Variants in PCDHA10 observed in about 807,000 individuals in gnomAD.
PCDHA10 encodes the protein protocadherin alpha-10.
PCDHA10 carries 45 observed loss-of-function variants against 61.2 expected under a neutral mutation model. The observed-to-expected ratio is 0.74, with a 90% CI of 0.58 to 0.94. The LOEUF is 0.94. PCDHA10 is among the 40% of genes least tolerant of loss of function. The pLI, the probability that PCDHA10 is intolerant of heterozygous loss-of-function variation, is 0.00. For missense variants in PCDHA10, 1,278 were observed against 1,236.2 expected, an observed-to-expected ratio of 1.03 and a Z score of -0.51; for synonymous variants, 602 against 548.8, an observed-to-expected ratio of 1.10 and a Z score of -1.35.
At chr5:140,928,337 AT>A (rs549164954) in intron 1 of PCDHA10, 7 of 1,613,944 alleles carry the variant, frequency 4.3e-6, no homozygotes, top group Non-Finnish European at 5.9e-6. Flanking sequence ...CTTGTCTCTT[AT>A]GAGCTGTTGG....
intron 1 of PCDHA10, chr5:140,863,441 C>T (rs1430733740): frequency 1.0e-5 from 6 of 601,724 alleles, no homozygotes; most frequent in Non-Finnish European, 1.9e-5. Context: ...TCTGGTCTTA[C>T]TCGCAGCAAA....
At chr5:140,927,540 C>T (rs1376391756) in intron 1 of PCDHA10, 6 of 1,614,136 alleles carry the variant, frequency 3.7e-6, no homozygotes, top group African/African-American at 2.7e-5. Flanking sequence ...GCTCAGGAGA[C>T]GCACAAGTCA....
intron 1 of PCDHA10, chr5:140,877,773 G>A (rs1554170103): frequency 2.5e-6 from 4 of 1,614,166 alleles, no homozygotes; most frequent in South Asian, 2.2e-5. Flanking sequence ...CGCCCAAGAC[G>A]GACCTCATGG....
At chr5:140,884,541 T>C (rs782267123) in intron 1 of PCDHA10, 17 of 1,613,862 alleles carry the variant, frequency 1.1e-5, no homozygotes, top group Non-Finnish European at 1.4e-5. Flanking sequence ...CGGCCGAGGG[T>C]GTGCTCTGGG....
chr5:140,875,810 C>T, intron 1 of PCDHA10: 1 of 1,614,106 alleles, frequency 6.2e-7, no homozygotes, highest in Non-Finnish European at 8.5e-7. Context: ...GTGGACAGGC[C>T]GCTGCAGGTT....
chr5:140,950,749 C>G (rs1202993675), intron 1 of PCDHA10, among the ~76,000 whole-genome samples: 5 of 152,002 alleles, frequency 3.3e-5, no homozygotes, highest in African/African-American at 4.8e-5. Flanking sequence ...TTCTCTCTAT[C>G]CTTTCTGGAC....
At chr5:140,969,161 G>A (rs782498682) in intron 1 of PCDHA10, 1 of 1,614,156 alleles carries the variant, frequency 6.2e-7, no homozygotes, top group South Asian at 1.1e-5. Context: ...CTGTCTGACA[G>A]CAGGCTCAGG....
chr5:140,857,653 C>A lies in PCDHA10; in HGVS notation c.1605C>A (p.Ser535Arg), dbSNP rs1466552947. 3.8e-6 allele frequency: 6 copies of A among 1,596,508 alleles called. No individual in the cohort carries two copies. The highest frequency in any genetic ancestry group is 5.1e-6 in the Non-Finnish European group (6 of 1,167,740). Residue 535 changes from serine to arginine, a missense_variant, in exon 1 of 4, where the codon AGC (serine) becomes AGA (arginine). By Grantham distance (110) the Ser-to-Arg change is moderately radical (BLOSUM62 -1). Transcript: ENST00000307360. ...EELELLQFQVSARDGGVPPLG... is the reference protein window; with the variant it reads ...EELELLQFQVRARDGGVPPLG... ...TGGAGCTGCTACAGTTCCAGGTGAG[C>A]GCGCGCGATGGGGGCGTGCCGCCTC...
intron 1 of PCDHA10, chr5:140,884,515 G>T: frequency 6.2e-6 from 10 of 1,614,176 alleles, no homozygotes; most frequent in South Asian, 1.1e-5. Context: ...GGAGTTGGTC[G>T]TACTCGCAGC....
rs117857377 is a variant in PCDHA10, at chr5:140,947,298, A to G, written c.2389-31651A>G. ...TTTTTCTTTTTATTGCATTATCTTG[A>G]CATCTTTGTAAAAAGTCGGTTGACC... On this transcript the variant is annotated intron_variant, in intron 1 of 3. Transcript: ENST00000307360. Among the ~76,000 whole-genome samples, 349 of 151,704 alleles carry G rather than the reference A, an allele frequency of 2.3e-3. 8 individuals carry two copies. In the East Asian group the frequency reaches 0.06, roughly 26 times the overall value.
chr5:140,869,943 C>T (rs781893563), intron 1 of PCDHA10: 10 of 1,612,248 alleles, frequency 6.2e-6, no homozygotes, highest in Non-Finnish European at 7.6e-6. Context: ...TAACATACTC[C>T]TTAATGTCAA....
intron 1 of PCDHA10, chr5:140,875,499 G>A (rs782342111): frequency 1.9e-6 from 3 of 1,613,354 alleles, no homozygotes; most frequent in Non-Finnish European, 2.5e-6. Context: ...CAAGAGGCCC[G>A]GGATCCCAGC....
In PCDHA10 at chr5:140,877,704, C is replaced by T. The variant is rs116613760; in HGVS notation, c.2388+19268C>T. 1.6e-3 allele frequency: 2,639 copies of T among 1,613,952 alleles called. 39 individuals are homozygous for T. The African/African-American group carries it at 0.027, about 17-fold the overall frequency. On this transcript the variant is annotated intron_variant, in intron 1 of 3. Coordinates refer to ENST00000307360, the MANE Select transcript of PCDHA10 (RefSeq NM_018901.4). ...AGCCCACGCTGGTGTGCTCCAGCGC[C>T]GTGGGGAGTTGGTCTTACTCGCAGC...
intron 1 of PCDHA10, among the ~76,000 whole-genome samples, chr5:140,872,003 A>C (rs1314439086): frequency 2.0e-5 from 3 of 152,202 alleles, no homozygotes; most frequent in Non-Finnish European, 2.9e-5. Context: ...GGCTATTTAC[A>C]GGTGACCTGT....
intron 3 of PCDHA10, among the ~76,000 whole-genome samples, chr5:140,990,384 T>A (rs2097391380): frequency 6.6e-6 from 1 of 152,186 alleles, no homozygotes; most frequent in Non-Finnish European, 1.5e-5. Context: ...TTGTTGGTGA[T>A]GTTCCAAGAA....
At chr5:140,948,679 A>C (rs1318286539) in intron 1 of PCDHA10, among the ~76,000 whole-genome samples, 1 of 151,394 alleles carries the variant, frequency 6.6e-6, no homozygotes, top group Admixed American at 6.6e-5. Context: ...CATCTTTTTC[A>C]TTTTTGATAT....
chr5:141,009,576 T>C (rs2098411921), intron 3 of PCDHA10, 51 bp from the exon 4 acceptor site: 1 of 1,583,566 alleles, frequency 6.3e-7, no homozygotes. Flanking sequence ...CAGTGTGGCA[T>C]CAAGAGCATG....
Position 140,869,893 on chromosome 5 carries a change from C to G in PCDHA10, c.2388+11457C>G, listed in dbSNP as rs375422597. 3 of 1,610,510 alleles carry G rather than the reference C, an allele frequency of 1.9e-6. No homozygotes were observed. The African/African-American group carries it at 4.0e-5, about 21-fold the overall frequency. ...TGCTAAAGAAACTCTTGTGCTCAAA[C>G]TAAACGCCACAGACCGAGACGAAGG... On this transcript the variant is annotated intron_variant, in intron 1 of 3. Transcript: ENST00000307360.
At chr5:140,916,463 G>A (rs934007072) in intron 1 of PCDHA10, among the ~76,000 whole-genome samples, 2 of 152,212 alleles carry the variant, frequency 1.3e-5, no homozygotes, top group African/African-American at 2.4e-5. Flanking sequence ...TATCACTGCT[G>A]GTTATTTGGT....
Sources: allele counts gnomAD v4.1 joint callset (sites outside exome capture counted in the v4.1 genomes callset), GRCh38; gene constraint gnomAD v4.1.1; transcripts MANE v1.5; gene names NCBI Gene and HGNC (gene_info 2026-07-23, HGNC 2026-07-21).